WWP2: variants seen among roughly 807,000 people sequenced by gnomAD.
WWP2 encodes the protein NEDD4-like E3 ubiquitin-protein ligase WWP2.
A neutral mutation model predicts 121.0 loss-of-function variants in WWP2; 57 were observed. The observed-to-expected ratio is 0.47, with a 90% CI of 0.38 to 0.59. WWP2 has a LOEUF of 0.59. Ranked by LOEUF, WWP2 falls within the 20% of genes least tolerant of loss-of-function variation. WWP2 has a pLI of 0.00. For synonymous variants in WWP2, 449 were observed against 441.3 expected, an observed-to-expected ratio of 1.02 and a Z score of -0.22; for missense variants, 962 against 1,158.9, an observed-to-expected ratio of 0.83 and a Z score of 2.47.
intron 7 of WWP2, among the ~76,000 whole-genome samples, chr16:69,876,022 T>A (rs550506495): frequency 6.6e-6 from 1 of 152,354 alleles, no homozygotes; most frequent in Non-Finnish European, 1.5e-5. Flanking sequence ...TGGCATGATC[T>A]CAGCTCACTG....
chr16:69,809,394 A>T (rs1296205829), intron 4 of WWP2, among the ~76,000 whole-genome samples: 1 of 151,980 alleles, frequency 6.6e-6, no homozygotes, highest in Non-Finnish European at 1.5e-5. Flanking sequence ...CTGTTTCCGG[A>T]TGCGAGACTG....
chr16:69,774,152 C>T (rs145307692), intron 1 of WWP2, among the ~76,000 whole-genome samples: 51 of 152,290 alleles, frequency 3.3e-4, no homozygotes, highest in African/African-American at 1.1e-3. Context: ...CCTAACTCTA[C>T]ACATTCAATT....
intron 4 of WWP2, among the ~76,000 whole-genome samples, chr16:69,825,802 T>C (rs1179789839): frequency 2.0e-5 from 3 of 151,996 alleles, no homozygotes; most frequent in Non-Finnish European, 2.9e-5. Flanking sequence ...AGTTTTTACA[T>C]TTTTTGTAGA....
intron 9 of WWP2, among the ~76,000 whole-genome samples, chr16:69,914,498 G>A (rs1055072882): frequency 6.6e-6 from 1 of 151,924 alleles, no homozygotes; most frequent in Non-Finnish European, 1.5e-5. Context: ...TGGCTCAAAC[G>A]TCTAATCCCA....
intron 1 of WWP2, among the ~76,000 whole-genome samples, chr16:69,782,017 T>C (rs2055674250): frequency 1.3e-5 from 2 of 152,292 alleles, no homozygotes; most frequent in South Asian, 4.1e-4. Flanking sequence ...GCGAGGTGGC[T>C]CATGCCTGTA....
At chr16:69,772,747 T>C (rs1330413200) in intron 1 of WWP2, among the ~76,000 whole-genome samples, 2 of 152,086 alleles carry the variant, frequency 1.3e-5, no homozygotes, top group Non-Finnish European at 2.9e-5. Context: ...TTGGTGCCTC[T>C]TCCCTGTTTC....
intron 6 of WWP2, among the ~76,000 whole-genome samples, chr16:69,863,731 C>T (rs1021029425): frequency 2.6e-5 from 4 of 152,218 alleles, no homozygotes; most frequent in Non-Finnish European, 2.9e-5. Flanking sequence ...CCAGCTCCTC[C>T]TTGTACCCGT....
At chr16:69,842,906 C>T (rs545899634) in intron 6 of WWP2, among the ~76,000 whole-genome samples, 4 of 152,136 alleles carry the variant, frequency 2.6e-5, no homozygotes, top group South Asian at 2.1e-4. Context: ...TGGACTCAAC[C>T]GATTCTCCTG....
intron 4 of WWP2, among the ~76,000 whole-genome samples, chr16:69,800,203 G>A (rs977942245): frequency 7.9e-5 from 12 of 152,112 alleles, no homozygotes; most frequent in Non-Finnish European, 1.8e-4. Context: ...ACATAGAGAT[G>A]TGCTGAACCC....
chr16:69,840,523 G>A lies in WWP2; in HGVS notation c.478+260G>A, dbSNP rs555534208. On this transcript the variant is annotated intron_variant, in intron 5 of 23. Coordinates refer to ENST00000359154, the MANE Select transcript of WWP2 (RefSeq NM_001270454.2). ...CAGAGAAAAACATCTTTCATCCCATGTGGACTTTGGAAAATGAAATATCTT... is the reference window on the plus strand; with the variant it reads ...CAGAGAAAAACATCTTTCATCCCATATGGACTTTGGAAAATGAAATATCTT... Among the ~76,000 whole-genome samples the A allele has an allele frequency of 9.2e-5, 14 of 152,340 alleles. No individual in the cohort carries two copies. The South Asian group carries it at 1.9e-3, about 20-fold the overall frequency.
At chr16:69,773,625 C>T (rs1251887575) in intron 1 of WWP2, among the ~76,000 whole-genome samples, 1 of 152,018 alleles carries the variant, frequency 6.6e-6, no homozygotes, top group Non-Finnish European at 1.5e-5. Context: ...GGACTACAGG[C>T]ATGCACCACC....
At chr16:69,894,437 C>T (rs1460554377) in intron 8 of WWP2, among the ~76,000 whole-genome samples, 1 of 152,186 alleles carries the variant, frequency 6.6e-6, no homozygotes, top group South Asian at 2.1e-4. Flanking sequence ...TGGTTACACA[C>T]GTCTGCACGT....
Position 69,798,689 on chromosome 16 carries a change from C to T in WWP2, c.78C>T (p.Ser26=), listed in dbSNP as rs1410717513. 1.5e-5 allele frequency: 25 copies of T among 1,613,414 alleles called. No individual in the cohort carries two copies. Among genetic ancestry groups the T allele is most frequent in the Middle Eastern group, 3.4e-4 (2 of 5,886 alleles). ...TCTTTCTTTCTCTCCCAGTGGTGTC[C>T]GCAAAGCCCAAGGTGCATAATCGTC... The part of the protein sequence containing the change: ...EKSQLTLKVV[S]AKPKVHNRQP... Residue 26 remains serine (S), a synonymous_variant, in exon 3 of 24, where the codon TCC becomes TCT. Transcript: ENST00000359154.
chr16:69,917,497 C>A (rs1364640108), intron 9 of WWP2: 3 of 497,018 alleles, frequency 6.0e-6, no homozygotes, highest in Non-Finnish European at 1.1e-5. Flanking sequence ...TCCCCAGAAC[C>A]ACATGGATCC....
At chr16:69,924,912 C>T (rs1000165658) in intron 10 of WWP2, 2 of 985,824 alleles carry the variant, frequency 2.0e-6, no homozygotes, top group Non-Finnish European at 2.4e-6. Flanking sequence ...GGAGGAGGGC[C>T]GGGCCCCAGC....
chr16:69,839,694 C>T (rs2056940008), intron 4 of WWP2, among the ~76,000 whole-genome samples: 1 of 152,202 alleles, frequency 6.6e-6, no homozygotes, highest in South Asian at 2.1e-4. Context: ...GAATAAGCCC[C>T]TGCAATCCCT....
Position 69,792,816 on chromosome 16 carries a change from C to G in WWP2, c.70+5736C>G, listed in dbSNP as rs563022082. Among the ~76,000 whole-genome samples the G allele has an allele frequency of 2.0e-5, 3 of 152,020 alleles. No homozygotes were observed. In the East Asian group the frequency reaches 5.8e-4, roughly 29 times the overall value. ...CAGGGATCCTCCTATCTCAGCCTCT[C>G]GAGTAACTGGAACTACAGGTGTGAG... On this transcript the variant is annotated intron_variant, in intron 2 of 23. Coordinates refer to ENST00000359154, the MANE Select transcript of WWP2 (RefSeq NM_001270454.2).
chr16:69,920,841 C>A (rs1339707763), intron 10 of WWP2, among the ~76,000 whole-genome samples: 2 of 151,918 alleles, frequency 1.3e-5, no homozygotes, highest in Admixed American at 6.6e-5. Context: ...CCCTTAAAAG[C>A]CCCACTAGTT....
At chr16:69,917,460 A>T (rs1270161312) in intron 9 of WWP2, 2 of 416,338 alleles carry the variant, frequency 4.8e-6, no homozygotes, top group Middle Eastern at 6.4e-4. Context: ...CAACCATGCA[A>T]CTCTGAGGTT....
Sources: allele counts gnomAD v4.1 joint callset (sites outside exome capture counted in the v4.1 genomes callset), GRCh38; gene constraint gnomAD v4.1.1; transcripts MANE v1.5; gene names NCBI Gene and HGNC (gene_info 2026-07-23, HGNC 2026-07-21).